LAMA4: variants seen among roughly 807,000 people sequenced by gnomAD.
LAMA4 encodes laminin subunit alpha-4.
A neutral mutation model predicts 207.1 loss-of-function variants in LAMA4; 127 were observed. The observed-to-expected ratio is 0.61, with a 90% CI of 0.53 to 0.71. The LOEUF (loss-of-function observed/expected upper bound fraction) is 0.71, where lower values mean the gene tolerates loss of function less well. Among genes scored for constraint, LAMA4 ranks in the 30% least tolerant of loss-of-function variants. The probability of loss-of-function intolerance (pLI) is 0.00; values close to 1 mark genes in which losing one functional copy is unlikely to be tolerated. For missense variants in LAMA4, 2,093 were observed against 2,246.5 expected, an observed-to-expected ratio of 0.93 and a Z score of 1.38; for synonymous variants, 761 against 816.0, an observed-to-expected ratio of 0.93 and a Z score of 1.15.
At chr6:112,112,344 G>A (rs1224310524) in intron 38 of LAMA4, among the ~76,000 whole-genome samples, 3 of 152,166 alleles carry the variant, frequency 2.0e-5, no homozygotes, top group African/African-American at 7.2e-5. Flanking sequence ...AGATACCATC[G>A]TTGAACATTT....
At chr6:112,204,130 A>T (rs1554353380) in intron 4 of LAMA4, among the ~76,000 whole-genome samples, 3 of 152,186 alleles carry the variant, frequency 2.0e-5, no homozygotes, top group Non-Finnish European at 4.4e-5. Flanking sequence ...TTGCTCTAGG[A>T]GTTTCAAAAC....
intron 9 of LAMA4, chr6:112,179,969 T>C (rs1554344912): frequency 1.9e-6 from 1 of 528,850 alleles, no homozygotes; most frequent in East Asian, 5.5e-5. Flanking sequence ...AAAACAGTAT[T>C]TGTGGTCATT....
At chr6:112,251,622 A>T (rs1284174929) in intron 2 of LAMA4, 1 of 152,180 alleles carries the variant, frequency 6.6e-6, no homozygotes, top group African/African-American at 2.4e-5. Flanking sequence ...CAACCCAGTA[A>T]AGTGTTTGTA....
intron 7 of LAMA4, among the ~76,000 whole-genome samples, chr6:112,187,853 C>A (rs1308475984): frequency 1.3e-5 from 2 of 152,132 alleles, no homozygotes; most frequent in Non-Finnish European, 2.9e-5. Flanking sequence ...AGCCTTCTCC[C>A]CACCCCAGGG....
intron 24 of LAMA4, among the ~76,000 whole-genome samples, chr6:112,136,712 A>G (rs1298606250): frequency 1.3e-5 from 2 of 148,722 alleles, no homozygotes; most frequent in Non-Finnish European, 3.0e-5. Flanking sequence ...AAAAAAAGTG[A>G]CAACTACTTC....
At chr6:112,120,234 G>C in intron 33 of LAMA4, 49 bp downstream of exon 33, 1 of 1,455,402 alleles carries the variant, frequency 6.9e-7, no homozygotes, top group Non-Finnish European at 9.6e-7. Flanking sequence ...GTGTCCATTT[G>C]ACAATGGTAG....
chr6:112,123,541 G>A lies in LAMA4; in HGVS notation c.4288-1340C>T, dbSNP rs139942711. On this transcript the variant is annotated intron_variant, in intron 31 of 38. Coordinates refer to ENST00000230538, the MANE Select transcript of LAMA4 (RefSeq NM_001105206.3). ...GACAATAAAACCCTTAATCTCATAA[G>A]GGCAAAAGACAAAATCCCCCCCACA... is the stretch of plus-strand genomic sequence containing the variant. 2.4e-3 allele frequency among the ~76,000 whole-genome samples: 370 copies of A among 152,186 alleles called. 3 individuals are homozygous for A. Among genetic ancestry groups the A allele is most frequent in the African/African-American group, 8.7e-3 (360 of 41,528 alleles).
At chr6:112,159,283 C>T (rs1378351231) in intron 13 of LAMA4, 1 of 220,304 alleles carries the variant, frequency 4.5e-6, no homozygotes, top group Non-Finnish European at 9.0e-6. Flanking sequence ...CCTATTTTGA[C>T]CTAGTCCTGT....
chr6:112,148,691 A>C (rs1554335130), intron 17 of LAMA4, among the ~76,000 whole-genome samples: 1 of 135,800 alleles, frequency 7.4e-6, no homozygotes, highest in Non-Finnish European at 1.6e-5. Flanking sequence ...ATAGAAGTTA[A>C]TCAATAAAGA....
intron 2 of LAMA4, among the ~76,000 whole-genome samples, chr6:112,247,357 C>T (rs1376030945): frequency 2.0e-5 from 3 of 152,078 alleles, no homozygotes; most frequent in Admixed American, 6.6e-5. Context: ...CTGCCTGTAA[C>T]GAAAGGTGAA....
intron 31 of LAMA4, 104 bp downstream of exon 31, chr6:112,128,818 C>A (rs112627375): frequency 2.2e-6 from 2 of 925,432 alleles, no homozygotes; most frequent in Non-Finnish European, 3.5e-6. Context: ...TTCCTATGTA[C>A]GTAGTTGCAA....
At chr6:112,162,613 G>C (rs1373644288) in intron 13 of LAMA4, among the ~76,000 whole-genome samples, 1 of 152,186 alleles carries the variant, frequency 6.6e-6, no homozygotes, top group African/African-American at 2.4e-5. Flanking sequence ...CATTTATTGA[G>C]ATGGAGAAGA....
At chr6:112,163,134 G>T (rs1476457361) in intron 13 of LAMA4, among the ~76,000 whole-genome samples, 1 of 143,606 alleles carries the variant, frequency 7.0e-6, no homozygotes, top group Non-Finnish European at 1.5e-5. Context: ...ACCACGCCTA[G>T]CTATTTAAAA....
In LAMA4 at chr6:112,132,751, AC is replaced by A. The variant is rs1554330253; in HGVS notation, c.3834+1del. 6.2e-7 allele frequency: 1 copy of A among 1,612,476 alleles called. No homozygotes were observed. ...TTTCCTCAGAGAAAAACAAACACTT[AC>A]CCCTGAAGCATAATAGAATAGTAAC... is the stretch of plus-strand genomic sequence containing the variant. On this transcript the variant is annotated splice_donor_variant, in intron 28 of 38. Coordinates refer to ENST00000230538, the MANE Select transcript of LAMA4 (RefSeq NM_001105206.3). LOFTEE classifies it high-confidence loss of function.
chr6:112,231,142 A>C (rs1785535784), intron 2 of LAMA4, among the ~76,000 whole-genome samples: 1 of 152,202 alleles, frequency 6.6e-6, no homozygotes, highest in Non-Finnish European at 1.5e-5. Flanking sequence ...ATCTCTGTTC[A>C]AGTTTATCAA....
Position 112,189,211 on chromosome 6 carries a change from G to C in LAMA4, c.719-6C>G. 1 of 1,609,182 alleles carries C rather than the reference G, an allele frequency of 6.2e-7. No homozygotes were observed. The highest frequency in any genetic ancestry group is 8.5e-7 in the Non-Finnish European group (1 of 1,175,670). ...GCCTCCCCCGCAGTTGCACACTGTG[G>C]GAAACAAAAACAAGAGACGAGAAAT... is the stretch of plus-strand genomic sequence containing the variant. On this transcript the variant is annotated splice_polypyrimidine_tract_variant and splice_region_variant and intron_variant, in intron 6 of 38. Coordinates refer to ENST00000230538, the MANE Select transcript of LAMA4 (RefSeq NM_001105206.3).
intron 9 of LAMA4, chr6:112,180,071 A>G (rs1782264123): frequency 2.7e-6 from 1 of 366,182 alleles, no homozygotes; most frequent in Non-Finnish European, 5.4e-6. Flanking sequence ...AAATTTTAGA[A>G]TTTTTAATGA....
At chr6:112,231,772 G>A (rs534758139) in intron 2 of LAMA4, among the ~76,000 whole-genome samples, 7 of 152,334 alleles carry the variant, frequency 4.6e-5, no homozygotes, top group Admixed American at 2.6e-4. Flanking sequence ...CAGGAAAACT[G>A]TGGCCCATAA....
At chr6:112,119,358 T>C (rs782051580) in intron 33 of LAMA4, 47 bp from the exon 34 acceptor site, 4 of 1,599,312 alleles carry the variant, frequency 2.5e-6, no homozygotes, top group African/African-American at 1.3e-5. Flanking sequence ...CATTCCAAGA[T>C]TGCAGAAAAG....
Sources: allele counts gnomAD v4.1 joint callset (sites outside exome capture counted in the v4.1 genomes callset), GRCh38; gene constraint gnomAD v4.1.1; transcripts MANE v1.5; gene names NCBI Gene and HGNC (gene_info 2026-07-23, HGNC 2026-07-21).